Variants in EPS8L1 observed in about 807,000 individuals in gnomAD.
EPS8L1 encodes epidermal growth factor receptor kinase substrate 8-like protein 1.
A neutral mutation model predicts 91.7 loss-of-function variants in EPS8L1; 101 were observed. That is an observed-to-expected ratio of 1.10 (90% CI 0.94 to 1.30). The LOEUF is 1.30. Ranked by LOEUF, EPS8L1 falls within the 50% of genes most tolerant of loss-of-function variation. The probability of loss-of-function intolerance (pLI) is 0.00; values close to 1 mark genes in which losing one functional copy is unlikely to be tolerated. For missense variants in EPS8L1, 1,114 were observed against 1,017.0 expected, an observed-to-expected ratio of 1.10 and a Z score of -1.30; for synonymous variants, 506 against 445.3, an observed-to-expected ratio of 1.14 and a Z score of -1.72.
Position 55,079,683 on chromosome 19 carries a change from G to C in EPS8L1, c.118-7G>C, listed in dbSNP as rs200296422. 1.3e-4 allele frequency: 213 copies of C among 1,612,894 alleles called. No individual in the cohort carries two copies. The African/African-American group carries it at 2.6e-3, about 20-fold the overall frequency. On this transcript the variant is annotated splice_polypyrimidine_tract_variant and splice_region_variant and intron_variant, in intron 4 of 19. Coordinates refer to ENST00000201647, the MANE Select transcript of EPS8L1 (RefSeq NM_133180.3). ...GGCCTCACTGCTTTCTCCATGGTCC[G>C]TACCAGCACCTGGTGACGTTCTGCC... is the stretch of plus-strand genomic sequence containing the variant.
At chr19:55,082,699 G>A (rs943800031) in intron 12 of EPS8L1, 97 bp downstream of exon 12, 6 of 1,212,330 alleles carry the variant, frequency 4.9e-6, no homozygotes, top group African/African-American at 4.6e-5. Context: ...AGGACTAGGA[G>A]AGTAGGGAGG....
At chr19:55,087,219 C>G (rs1020438244) in intron 18 of EPS8L1, 84 bp from the exon 19 acceptor site, 1 of 1,509,498 alleles carries the variant, frequency 6.6e-7, no homozygotes, top group African/African-American at 1.4e-5. Context: ...TCTGATTGGA[C>G]CATCGCCGGG....
At chr19:55,084,340 C>G (rs2076335332) in intron 14 of EPS8L1, 1 of 153,172 alleles carries the variant, frequency 6.5e-6, no homozygotes, top group East Asian at 1.9e-4. Flanking sequence ...TCCTAGGTCC[C>G]TGGGGGAGGA....
rs2076249136 is a variant in EPS8L1 at position 55,081,171 on chromosome 19, T to C, written c.513-60T>C. On this transcript the variant is annotated intron_variant, in intron 7 of 19. Coordinates refer to ENST00000201647, the MANE Select transcript of EPS8L1 (RefSeq NM_133180.3). This position sits in a 1 kb window ranked among gnomAD's most constrained non-coding sequence, Gnocchi z 4.9. ...TGTGTGTCTCGTTCTGCGCCCTGGA[T>C]TTCCCCCTCCCTGGACCCCTCAGTG... 6.9e-7 allele frequency: 1 copy of C among 1,452,798 alleles called. No individual in the cohort carries two copies. Among genetic ancestry groups the C allele is most frequent in the Non-Finnish European group, 9.0e-7 (1 of 1,110,068 alleles). The allele number at this position is 1,452,798 out of a possible 1,614,324, so 90.0% of individuals were successfully genotyped here. A position where few individuals can be genotyped will look rare whatever the true frequency, so the allele number is the denominator to read the frequency against.
In EPS8L1 at chr19:55,081,538, AGGCGGGGCTAGGGCGTGGAAG is replaced by A. The variant is rs1286866711; in HGVS notation, c.774+55_774+75del. 7.0e-7 allele frequency: 1 copy of A among 1,437,550 alleles called. No individual in the cohort carries two copies. Among genetic ancestry groups the A allele is most frequent in the African/African-American group, 1.6e-5 (1 of 63,868 alleles). 89.0% of individuals were successfully genotyped at this position (1,437,550 alleles called of 1,614,324 possible). A position where few individuals can be genotyped will look rare whatever the true frequency, so the allele number is the denominator to read the frequency against. On this transcript the variant is annotated intron_variant, in intron 8 of 19. Transcript: ENST00000201647. This position sits in a 1 kb window ranked among gnomAD's most constrained non-coding sequence, Gnocchi z 4.9. ...TCTGGGGGCAGGGCCAGGCGACTGG[AGGCGGGGCTAGGGCGTGGAAG>A]GGCGGGGCCGGCTGCGGGACGGGCG...
In EPS8L1 at chr19:55,081,825, A is replaced by G. The variant is rs749998916; in HGVS notation, c.827A>G (p.Gln276Arg). The change falls in exon 9 of 20, where the codon CAG becomes CGG. Residue 276 changes from glutamine to arginine, a missense_variant. Physicochemically the swap from Gln to Arg is conservative, Grantham distance 43. Coordinates refer to ENST00000201647, the MANE Select transcript of EPS8L1 (RefSeq NM_133180.3). The surrounding 1 kb of genome is among the most constrained non-coding windows in gnomAD (Gnocchi z 4.9). ...DDVESFVSRL[Q>R]KSAEAARVLE... Reference sequence around the variant, plus strand: ...GTAGAGAGCTTTGTATCGAGGCTGCAGAAGTCGGCGGAGGCGGCCAGGGTG... The same window carrying G: ...GTAGAGAGCTTTGTATCGAGGCTGCGGAAGTCGGCGGAGGCGGCCAGGGTG... 1.9e-6 allele frequency: 3 copies of G among 1,612,864 alleles called. No individual in the cohort carries two copies. The highest frequency in any genetic ancestry group is 1.1e-5 in the South Asian group (1 of 91,056).
At chr19:55,077,270 C>G (rs542848108) in intron 2 of EPS8L1, among the ~76,000 whole-genome samples, 15 of 152,224 alleles carry the variant, frequency 9.9e-5, no homozygotes, top group Non-Finnish European at 2.1e-4. Context: ...CTTCAGATAC[C>G]ACTAATGCTA....
At chr19:55,086,637 C>CCCCCCCCCCCCCCCCCCGGG in intron 17 of EPS8L1, 77 bp from the exon 18 acceptor site, 4 of 1,374,354 alleles carry the variant, frequency 2.9e-6, no homozygotes, top group Non-Finnish European at 3.0e-6. Context: ...GCTGGAGCGC[C>CCCCCCCCCCCCCCCCCCGGG]CCCCCGCCCC....
rs2076282273 is a variant in EPS8L1, at chr19:55,082,219, G to C, written c.990+39G>C. On this transcript the variant is annotated intron_variant, in intron 10 of 19. Coordinates refer to ENST00000201647, the MANE Select transcript of EPS8L1 (RefSeq NM_133180.3). The stretch of plus-strand genomic sequence containing the variant: ...CGCCCCTGGGCCGGGGCGCGGGCAC[G>C]ACGAACCTGTCCCGTCCCCGCACCC... 1.9e-6 allele frequency: 3 copies of C among 1,594,012 alleles called. No homozygotes were observed. In the East Asian group the frequency reaches 6.8e-5, roughly 36 times the overall value.
In EPS8L1 at chr19:55,087,769, G is replaced by C. The variant is rs2076368813; in HGVS notation, c.*155G>C. 2.6e-6 allele frequency: 2 copies of C among 768,230 alleles called. No homozygotes were observed. Among genetic ancestry groups the C allele is most frequent in the Non-Finnish European group, 4.4e-6 (2 of 458,626 alleles). 47.6% of individuals were successfully genotyped at this position (768,230 alleles called of 1,614,324 possible). ...CCGGTGGACAGACTTAACGATCCTTGCTGCAGTCCCTCCGGAGAGGATCTG... is the reference window on the plus strand; with the variant it reads ...CCGGTGGACAGACTTAACGATCCTTCCTGCAGTCCCTCCGGAGAGGATCTG... On this transcript the variant is annotated 3_prime_UTR_variant, in exon 20 of 20. Transcript: ENST00000201647.
intron 14 of EPS8L1, chr19:55,084,192 G>T (rs967799596): frequency 5.2e-6 from 1 of 191,466 alleles, no homozygotes; most frequent in African/African-American, 2.4e-5. Context: ...CTGGGCCCCC[G>T]AGAGGGGTAA....
chr19:55,081,663 T>C lies in EPS8L1; in HGVS notation c.775-110T>C, dbSNP rs1234633026. On this transcript the variant is annotated intron_variant, in intron 8 of 19. Coordinates refer to ENST00000201647, the MANE Select transcript of EPS8L1 (RefSeq NM_133180.3). The surrounding 1 kb of genome is among the most constrained non-coding windows in gnomAD (Gnocchi z 4.9). Reference sequence around the variant, plus strand: ...TTGGTTGTGGGGCGTGGCCAGGTGTTTGGGGCGTGGCCTGATCTGGGGAAG... The same window carrying C: ...TTGGTTGTGGGGCGTGGCCAGGTGTCTGGGGCGTGGCCTGATCTGGGGAAG... The C allele has an allele frequency of 6.7e-6, 10 of 1,487,230 alleles. No individual in the cohort carries two copies. The Admixed American group carries it at 1.4e-4, about 21-fold the overall frequency. 92.1% of individuals were successfully genotyped at this position (1,487,230 alleles called of 1,614,324 possible).
chr19:55,085,955 G>T lies in EPS8L1; in HGVS notation c.1500G>T (p.Lys500Asn), dbSNP rs183061773. Residue 500 changes from lysine (K) to asparagine (N), a missense_variant, in exon 15 of 20, where the codon AAG becomes AAT. Transcript: ENST00000201647. ...QARNSSELSV[K>N]QRDVLEVLDD... ...GCAACAGCAGTGAGCTGTCGGTCAA[G>T]CAGCGGGACGTACTGGAGGTTAGAG... 19 of 1,613,574 alleles carry T rather than the reference G, an allele frequency of 1.2e-5. No homozygotes were observed. The African/African-American group carries it at 2.4e-4, about 20-fold the overall frequency.
In EPS8L1 at chr19:55,083,771, G is replaced by T; in HGVS notation, c.1385+127G>T. 9.8e-7 allele frequency: 1 copy of T among 1,015,982 alleles called. No homozygotes were observed. Among genetic ancestry groups the T allele is most frequent in the Non-Finnish European group, 1.4e-6 (1 of 730,514 alleles). 62.9% of individuals were successfully genotyped at this position (1,015,982 alleles called of 1,614,324 possible). ...TGTCTTCCTGGCTCTTCTCAGGTGG[G>T]TGAGATGGTGATGGGGCGGGCCGGG... On this transcript the variant is annotated intron_variant, in intron 14 of 19. Coordinates refer to ENST00000201647, the MANE Select transcript of EPS8L1 (RefSeq NM_133180.3). This position sits in a 1 kb window ranked among gnomAD's most constrained non-coding sequence, Gnocchi z 4.7.
chr19:55,076,472 C>T lies in EPS8L1; in HGVS notation c.17+11C>T, dbSNP rs2076137197. 6.2e-7 allele frequency: 1 copy of T among 1,611,674 alleles called. No individual in the cohort carries two copies. The highest frequency in any genetic ancestry group is 8.5e-7 in the Non-Finnish European group (1 of 1,178,898). The stretch of plus-strand genomic sequence containing the variant: ...GAGCACCGCCACAGGGTAAGCGCCC[C>T]CGGACCCCAGGTCCCAGCCCCAGCA... On this transcript the variant is annotated intron_variant, in intron 2 of 19. Coordinates refer to ENST00000201647, the MANE Select transcript of EPS8L1 (RefSeq NM_133180.3).
rs2076285794 is a variant in EPS8L1, at chr19:55,082,343, G to C, written c.1059G>C (p.Leu353=). Reference sequence around the variant, plus strand: ...TGTTGCACTTCCTTTTCGGGCCTCTGCAGATGGTGAGACCCGCCCCAGGCC... The same window carrying C: ...TGTTGCACTTCCTTTTCGGGCCTCTCCAGATGGTGAGACCCGCCCCAGGCC... ...PELLHFLFGP[L]QMIVNTSGGP... Residue 353 remains leucine, a synonymous_variant, in exon 11 of 20, where the codon CTG becomes CTC. Transcript: ENST00000201647. The C allele has an allele frequency of 6.2e-7, 1 of 1,612,468 alleles. No homozygotes were observed. Among genetic ancestry groups the C allele is most frequent in the Non-Finnish European group, 8.5e-7 (1 of 1,179,864 alleles).
Position 55,086,141 on chromosome 19 carries a change from AC to A in EPS8L1, c.1602del (p.Tyr535ThrfsTer16). ...EGYVPYNILT[P>X]YPGPRLHHSQ... Reference sequence around the variant, plus strand: ...GATATGTGCCCTACAACATCCTGACACCCTACCCCGGACCCCGGCTGCACCA... The same window carrying A: ...GATATGTGCCCTACAACATCCTGACACCTACCCCGGACCCCGGCTGCACCA... On this transcript the variant is annotated frameshift_variant, in exon 16 of 20. Transcript: ENST00000201647. LOFTEE classifies it high-confidence loss of function. The A allele has an allele frequency of 6.2e-7, 1 of 1,606,994 alleles. No homozygotes were observed. The highest frequency in any genetic ancestry group is 8.5e-7 in the Non-Finnish European group (1 of 1,176,064).
Position 55,080,290 on chromosome 19 carries a change from G to T in EPS8L1, c.429+12G>T. On this transcript the variant is annotated intron_variant, in intron 6 of 19. Transcript: ENST00000201647. ...GCCTGCGCCTCGGGGTGAGCAGATG[G>T]GCTGGCTCTGGGGGTGGAGCTGGAA... The T allele has an allele frequency of 2.0e-6, 3 of 1,535,334 alleles. No individual in the cohort carries two copies. Among genetic ancestry groups the T allele is most frequent in the Non-Finnish European group, 2.6e-6 (3 of 1,138,760 alleles).
intron 6 of EPS8L1, chr19:55,080,553 G>A: frequency 6.2e-7 from 1 of 1,611,418 alleles, no homozygotes; most frequent in Non-Finnish European, 8.5e-7. Flanking sequence ...TGGGGGCGAG[G>A]AACCACCCGG....
Sources: gnomAD v4.1 joint callset for allele counts (sites outside exome capture counted in the v4.1 genomes callset) on GRCh38, gnomAD v4.1.1 for gene constraint, Gnocchi (gnomAD v3.1) non-coding constraint, MANE v1.5 for transcripts, NCBI Gene and HGNC (gene_info 2026-07-23, HGNC 2026-07-21) for gene names.